The following RASSF1 variants were observed in gnomAD, a reference collection of about 807,000 sequenced individuals.
RASSF1 encodes Ras association domain family member 1, also known as ras association domain-containing protein 1.
A neutral mutation model predicts 34.3 loss-of-function variants in RASSF1; 33 were observed. The ratio of observed to expected loss-of-function variants is 0.96; its 90% CI spans 0.73 to 1.29. RASSF1 has a LOEUF of 1.29. Ranked by LOEUF, RASSF1 falls within the 50% of genes most tolerant of loss-of-function variation. RASSF1 has a pLI of 0.00. For missense variants in RASSF1, 445 were observed against 471.8 expected, an observed-to-expected ratio of 0.94 and a Z score of 0.53; for synonymous variants, 191 against 195.0, an observed-to-expected ratio of 0.98 and a Z score of 0.17.
intron 2 of RASSF1, chr3:50,337,055 A>T: frequency 7.7e-7 from 1 of 1,297,896 alleles, no homozygotes; most frequent in Non-Finnish European, 1.0e-6. Context: ...ACCCGCGGGG[A>T]GCCACGTAGC....
chr3:50,332,261 T>C (rs1353044128), intron 2 of RASSF1, 107 bp from the exon 3 acceptor site: 1 of 881,956 alleles, frequency 1.1e-6, no homozygotes, highest in Non-Finnish European at 1.8e-6. Flanking sequence ...TGGCCCCCTG[T>C]CCCTGATGTA....
At position 50,330,416 on chromosome 3, in the gene RASSF1, G is replaced by A; in HGVS notation, c.*165C>T. The A allele has an allele frequency of 1.0e-6, 1 of 962,940 alleles. No homozygotes were observed. 59.6% of individuals were successfully genotyped at this position (962,940 alleles called of 1,614,324 possible). On this transcript the variant is annotated 3_prime_UTR_variant, in exon 6 of 6. Transcript: ENST00000359365. The surrounding 1 kb of genome is among the most constrained non-coding windows in gnomAD (Gnocchi z 4.5). Reference sequence around the variant, plus strand: ...GAGCCATACCTGGCTACACCCACAGGTGGACACAGGGAGCAAGCTACTTCG... The same window carrying A: ...GAGCCATACCTGGCTACACCCACAGATGGACACAGGGAGCAAGCTACTTCG...
In RASSF1 at chr3:50,340,626, G is replaced by T; in HGVS notation, c.180C>A (p.Ala60=). 6.5e-7 allele frequency: 1 copy of T among 1,530,130 alleles called. No homozygotes were observed. Among genetic ancestry groups the T allele is most frequent in the South Asian group, 1.2e-5 (1 of 83,484 alleles). 94.8% of individuals were successfully genotyped at this position (1,530,130 alleles called of 1,614,324 possible). ...RGHRFQPAGP[A]THTWCDLCGD... ...CACAGAGGTCGCACCACGTGTGCGT[G>T]GCGGGCCCCGCGGGCTGGAAGCGGT... The change falls in exon 1 of 6, where the codon GCC becomes GCA. Residue 60 remains alanine, a synonymous_variant. Transcript: ENST00000359365.
intron 2 of RASSF1, chr3:50,337,336 C>T (rs587661701): frequency 1.9e-6 from 3 of 1,609,124 alleles, no homozygotes; most frequent in South Asian, 2.2e-5. Context: ...ACCCGCCCGT[C>T]CCCCAGTCCT....
At chr3:50,331,218 T>C in intron 5 of RASSF1, 116 bp downstream of exon 5, 1 of 828,176 alleles carries the variant, frequency 1.2e-6, no homozygotes, top group Non-Finnish European at 1.8e-6. Flanking sequence ...TATACACTCC[T>C]GGAACTGTTT....
chr3:50,335,822 C>G (rs1363165495), intron 2 of RASSF1, among the ~76,000 whole-genome samples: 1 of 151,746 alleles, frequency 6.6e-6, no homozygotes, highest in African/African-American at 2.4e-5. Context: ...GCCAGGCTGA[C>G]CTCGAATTCC....
intron 2 of RASSF1, chr3:50,336,701 C>A (rs1271417960): frequency 1.2e-5 from 2 of 170,192 alleles, no homozygotes; most frequent in Non-Finnish European, 2.5e-5. Context: ...TGGCTCCATA[C>A]AGGAGTGCAG....
At chr3:50,340,171 AG>A in intron 1 of RASSF1, among the ~76,000 whole-genome samples, 1 of 152,256 alleles carries the variant, frequency 6.6e-6, no homozygotes, top group South Asian at 2.1e-4. Flanking sequence ...TCCCTCCCAT[AG>A]GTGGTAATTT....
rs761161111 is a variant in RASSF1, at chr3:50,332,164, G to A, written c.358-10C>T. 17 of 1,612,880 alleles carry A rather than the reference G, an allele frequency of 1.1e-5. No homozygotes were observed. The South Asian group carries it at 1.6e-4, about 16-fold the overall frequency. On this transcript the variant is annotated splice_polypyrimidine_tract_variant and intron_variant, in intron 2 of 5. Coordinates refer to ENST00000359365, the MANE Select transcript of RASSF1 (RefSeq NM_007182.5). ...ACTCCACAGGCTCGTCCTGCAAGATGGGCCAGCATGGACACAGGGCCCTTG... is the reference window on the plus strand; with the variant it reads ...ACTCCACAGGCTCGTCCTGCAAGATAGGCCAGCATGGACACAGGGCCCTTG...
intron 2 of RASSF1, chr3:50,336,783 T>G (rs1182804878): frequency 9.4e-6 from 2 of 212,508 alleles, no homozygotes; most frequent in South Asian, 7.7e-5. Context: ...GCGAGGACTC[T>G]TCCCTCTCCA....
intron 1 of RASSF1, among the ~76,000 whole-genome samples, chr3:50,338,895 G>A (rs934888721): frequency 6.6e-6 from 1 of 152,154 alleles, no homozygotes; most frequent in Non-Finnish European, 1.5e-5. Flanking sequence ...ACTCCCAGGG[G>A]CTACACTCTC....
At chr3:50,334,529 C>T (rs760655759) in intron 2 of RASSF1, among the ~76,000 whole-genome samples, 9 of 152,252 alleles carry the variant, frequency 5.9e-5, no homozygotes, top group Non-Finnish European at 1.2e-4. Flanking sequence ...AAATGCCAGA[C>T]AGACTCTAGT....
At chr3:50,337,630 C>G in intron 2 of RASSF1, 1 of 1,053,362 alleles carries the variant, frequency 9.5e-7, no homozygotes, top group Non-Finnish European at 1.4e-6. Context: ...AGAGTGGCCT[C>G]TGGCCGGAGG....
chr3:50,332,125 G>A lies in RASSF1; in HGVS notation c.387C>T (p.Asp129=). The A allele has an allele frequency of 1.2e-6, 2 of 1,614,158 alleles. No homozygotes were observed. Among genetic ancestry groups the A allele is most frequent in the Non-Finnish European group, 8.5e-7 (1 of 1,180,034 alleles). ...VDEPVEWETP[D]LSQAEIEQKI... ...TCTGCTCAATCTCAGCTTGAGAAAG[G>A]TCAGGTGTCTCCCACTCCACAGGCT... Residue 129 remains aspartate, a synonymous_variant, in exon 3 of 6, where the codon GAC becomes GAT. Coordinates refer to ENST00000359365, the MANE Select transcript of RASSF1 (RefSeq NM_007182.5).
intron 1 of RASSF1, among the ~76,000 whole-genome samples, chr3:50,339,879 G>A (rs1238822390): frequency 2.6e-5 from 4 of 152,140 alleles, no homozygotes; most frequent in Non-Finnish European, 1.5e-5. Flanking sequence ...CTGATGCCTA[G>A]GGTCCACTCC....
intron 2 of RASSF1, chr3:50,336,421 GATA>G (rs1241900579): frequency 6.6e-6 from 1 of 152,154 alleles, no homozygotes; most frequent in Non-Finnish European, 1.5e-5. Flanking sequence ...ACAGTTCTCC[GATA>G]ATGGGGATAC....
At chr3:50,337,685 T>TCAGCCTGGGC (rs1703207365) in intron 2 of RASSF1, 7 of 856,948 alleles carry the variant, frequency 8.2e-6, no homozygotes, top group African/African-American at 5.2e-5. Flanking sequence ...GGAGCCTGGG[T>TCAGCCTGGGC]CAGCCTGGGC....
rs1032318459 is a variant in RASSF1, at chr3:50,340,635, C to T, written c.171G>A (p.Ala57=). ...CGCACCACGTGTGCGTGGCGGGCCC[C>T]GCGGGCTGGAAGCGGTGGCCACGGC... ...VPGRGHRFQP[A]GPATHTWCDL... Residue 57 remains alanine, a synonymous_variant, in exon 1 of 6, where the codon GCG becomes GCA. Transcript: ENST00000359365. The T allele has an allele frequency of 3.9e-6, 6 of 1,526,296 alleles. No homozygotes were observed. The highest frequency in any genetic ancestry group is 2.0e-5 in the Admixed American group (1 of 49,960). The allele number at this position is 1,526,296 out of a possible 1,614,324, so 94.5% of individuals were successfully genotyped here.
chr3:50,331,241 C>A, intron 5 of RASSF1, 93 bp downstream of exon 5: 1 of 1,042,850 alleles, frequency 9.6e-7, no homozygotes, highest in Non-Finnish European at 1.4e-6. Context: ...CAGGGCTTGT[C>A]TTCCAGCACA....
Sources: allele counts gnomAD v4.1 joint callset (sites outside exome capture counted in the v4.1 genomes callset), GRCh38; gene constraint gnomAD v4.1.1; non-coding constraint Gnocchi (gnomAD v3.1); transcripts MANE v1.5; gene names NCBI Gene and HGNC (gene_info 2026-07-23, HGNC 2026-07-21).